Variants in KIF1C observed in about 807,000 individuals in gnomAD.
The protein encoded by KIF1C is kinesin-like protein KIF1C.
Under a neutral mutation model 126.5 loss-of-function variants are expected in KIF1C, and 61 were observed. The ratio of observed to expected loss-of-function variants is 0.48; its 90% CI spans 0.39 to 0.60. KIF1C has a LOEUF of 0.60. Among genes scored for constraint, KIF1C ranks in the 20% least tolerant of loss-of-function variants. KIF1C has a pLI of 0.00. For synonymous variants in KIF1C, 640 were observed against 580.6 expected, an observed-to-expected ratio of 1.10 and a Z score of -1.47; for missense variants, 1,315 against 1,489.2, an observed-to-expected ratio of 0.88 and a Z score of 1.93.
In KIF1C at chr17:5,007,550, A is replaced by C; in HGVS notation, c.1491+8A>C. 6.5e-7 allele frequency: 1 copy of C among 1,541,854 alleles called. No homozygotes were observed. Among genetic ancestry groups the C allele is most frequent in the Non-Finnish European group, 8.7e-7 (1 of 1,145,880 alleles). On this transcript the variant is annotated splice_region_variant and intron_variant, in intron 16 of 22. Coordinates refer to ENST00000320785, the MANE Select transcript of KIF1C (RefSeq NM_006612.6). ...GTCTTCTCTCCAAAGAAGGTGAGTG[A>C]GGAATCGAGCGAGGAGGCCTAGAGA... is the stretch of plus-strand genomic sequence containing the variant.
chr17:5,013,965 G>A (rs1047813632), intron 17 of KIF1C, among the ~76,000 whole-genome samples: 5 of 151,906 alleles, frequency 3.3e-5, no homozygotes, highest in Non-Finnish European at 7.4e-5. Flanking sequence ...CTTGTTTACT[G>A]GGGCAGGAGA....
At chr17:5,001,114 G>T in intron 4 of KIF1C, 108 bp from the exon 5 acceptor site, 1 of 1,198,874 alleles carries the variant, frequency 8.3e-7, no homozygotes, top group East Asian at 2.3e-5. Flanking sequence ...GGGCACACAG[G>T]ACATTTGGGG....
rs190329136 is a variant in KIF1C, at chr17:5,014,849, G to A, written c.1666+12G>A. 2.5e-6 allele frequency: 4 copies of A among 1,569,284 alleles called. No individual in the cohort carries two copies. In the African/African-American group the frequency reaches 4.0e-5, roughly 16 times the overall value. ...GCCAGATGGAGAAGGTAATGGCTGA[G>A]GGGGTGAGAGAGGCCAGACAGGGAG... On this transcript the variant is annotated intron_variant, in intron 18 of 22. Transcript: ENST00000320785.
intron 4 of KIF1C, 97 bp from the exon 5 acceptor site, chr17:5,001,125 A>T: frequency 7.7e-7 from 1 of 1,294,054 alleles, no homozygotes; most frequent in Non-Finnish European, 1.1e-6. Context: ...ACATTTGGGG[A>T]ATCGTCAGTG....
At position 5,022,736 on chromosome 17, in the gene KIF1C, TCTC is replaced by T. The variant is rs771422063; in HGVS notation, c.2628+32_2628+34del. The T allele has an allele frequency of 5.4e-6, 8 of 1,494,246 alleles. No homozygotes were observed. Among genetic ancestry groups the T allele is most frequent in the Non-Finnish European group, 7.1e-6 (8 of 1,126,982 alleles). 92.6% of individuals were successfully genotyped at this position (1,494,246 alleles called of 1,614,324 possible). On this transcript the variant is annotated intron_variant, in intron 22 of 22. Coordinates refer to ENST00000320785, the MANE Select transcript of KIF1C (RefSeq NM_006612.6). This position sits in a 1 kb window ranked among gnomAD's most constrained non-coding sequence, Gnocchi z 4.9. ...TAGGACTGGCCTTCTGCCTCCCTTC[TCTC>T]CTCCCTCGGCTCTTCACTTTAGGAG...
chr17:5,007,265 G>T lies in KIF1C; in HGVS notation c.1338G>T (p.Glu446Asp). 6.2e-7 allele frequency: 1 copy of T among 1,607,526 alleles called. No individual in the cohort carries two copies. Among genetic ancestry groups the T allele is most frequent in the Non-Finnish European group, 8.5e-7 (1 of 1,176,882 alleles). Residue 446 changes from glutamate (E) to aspartate (D), a missense_variant and splice_region_variant, in exon 15 of 23, where the codon GAG (glutamate) becomes GAT (aspartate). Glu to Asp is a conservative substitution (Grantham distance 45, BLOSUM62 2). Coordinates refer to ENST00000320785, the MANE Select transcript of KIF1C (RefSeq NM_006612.6). ...ACCTACCCACCTTACGCCCCCAGGAGACAGAGAAGATTATAGCTGAGCTGA... is the reference window on the plus strand; with the variant it reads ...ACCTACCCACCTTACGCCCCCAGGATACAGAGAAGATTATAGCTGAGCTGA... ...GPEEAMERLQETEKIIAELNE... is the reference protein window; with the variant it reads ...GPEEAMERLQDTEKIIAELNE...
At chr17:5,000,985 G>GT in intron 4 of KIF1C, 137 bp downstream of exon 4, 1 of 993,074 alleles carries the variant, frequency 1.0e-6, no homozygotes, top group Non-Finnish European at 1.6e-6. Context: ...GGTGGGGGTG[G>GT]TAGGACCCTT....
chr17:5,014,046 C>T (rs986332636), intron 17 of KIF1C: 25 of 337,630 alleles, frequency 7.4e-5, no homozygotes, highest in South Asian at 5.2e-4. Flanking sequence ...GTGGGGCCTT[C>T]CCTGGGGGCG....
intron 11 of KIF1C, 85 bp from the exon 12 acceptor site, chr17:5,004,482 G>T: frequency 8.0e-7 from 1 of 1,247,898 alleles, no homozygotes; most frequent in Non-Finnish European, 1.2e-6. Context: ...CCTCTGCCTG[G>T]GCAGTGGGCC....
In KIF1C at chr17:5,001,392, C is replaced by G; in HGVS notation, c.354C>G (p.Ile118Met). Reference sequence around the variant, plus strand: ...GACAGGAGCCAGGGCAGCAGGGCATCGTGCCCCAGGTACGCCTAGGACCTG... The same window carrying G: ...GACAGGAGCCAGGGCAGCAGGGCATGGTGCCCCAGGTACGCCTAGGACCTG... ...MGRQEPGQQG[I>M]VPQLCEDLFS... Residue 118 changes from isoleucine to methionine, a missense_variant, in exon 5 of 23, where the codon ATC (isoleucine) becomes ATG (methionine). By Grantham distance (10) the Ile-to-Met change is conservative. Transcript: ENST00000320785. 6.2e-7 allele frequency: 1 copy of G among 1,613,900 alleles called. No individual in the cohort carries two copies. The highest frequency in any genetic ancestry group is 8.5e-7 in the Non-Finnish European group (1 of 1,179,900).
rs777934473 is a variant in KIF1C, at chr17:5,007,356, CAGTT to C, written c.1415+15_1415+18del. 1.1e-5 allele frequency: 18 copies of C among 1,613,114 alleles called. No individual in the cohort carries two copies. The East Asian group carries it at 3.3e-4, about 30-fold the overall frequency. On this transcript the variant is annotated intron_variant, in intron 15 of 22. Coordinates refer to ENST00000320785, the MANE Select transcript of KIF1C (RefSeq NM_006612.6). ...GAGGATGGAGAGGTGTGAGGGCCGACAGTTGGGGTCCTGGGTGGAGTTGGAGGCC... is the reference window on the plus strand; with the variant it reads ...GAGGATGGAGAGGTGTGAGGGCCGACGGGGTCCTGGGTGGAGTTGGAGGCC...
chr17:5,021,150 T>C (rs554419026), intron 21 of KIF1C, among the ~76,000 whole-genome samples: 1 of 150,390 alleles, frequency 6.6e-6, no homozygotes, highest in South Asian at 2.1e-4. Flanking sequence ...CCACCTGTGT[T>C]GGTATTAAGA....
At chr17:5,012,275 T>G (rs1974882970) in intron 16 of KIF1C, among the ~76,000 whole-genome samples, 1 of 152,078 alleles carries the variant, frequency 6.6e-6, no homozygotes, top group East Asian at 1.9e-4. Context: ...GGGTCTTGTG[T>G]TCTGATGGAA....
Position 5,022,136 on chromosome 17 carries a change from TGAAGA to T in KIF1C, c.2058_2062del (p.Glu687LeufsTer58). The T allele has an allele frequency of 1.2e-6, 2 of 1,612,688 alleles. No homozygotes were observed. Among genetic ancestry groups the T allele is most frequent in the Non-Finnish European group, 1.7e-6 (2 of 1,178,974 alleles). On this transcript the variant is annotated frameshift_variant, in exon 22 of 23. Coordinates refer to ENST00000320785, the MANE Select transcript of KIF1C (RefSeq NM_006612.6). LOFTEE classifies it high-confidence loss of function. The surrounding 1 kb of genome is among the most constrained non-coding windows in gnomAD (Gnocchi z 4.9). Reference sequence around the variant, plus strand: ...GGGATGACTCTGACAAGCGCTCTTGTGAAGAGAGCTGGAGGCTCATCTCCTCCTTG... The same window carrying T: ...GGGATGACTCTGACAAGCGCTCTTGTGAGCTGGAGGCTCATCTCCTCCTTG...
At chr17:5,007,141 C>A in intron 14 of KIF1C, 57 bp downstream of exon 14, 1 of 1,577,942 alleles carries the variant, frequency 6.3e-7, no homozygotes, top group Non-Finnish European at 8.6e-7. Context: ...GAGTTTACTT[C>A]TCCAAAGTCA....
At position 5,020,652 on chromosome 17, in the gene KIF1C, C is replaced by T. The variant is rs747496894; in HGVS notation, c.1911C>T (p.Ile637=). The T allele has an allele frequency of 3.1e-6, 5 of 1,613,870 alleles. No homozygotes were observed. Among genetic ancestry groups the T allele is most frequent in the South Asian group, 1.1e-5 (1 of 91,080 alleles). Residue 637 remains isoleucine (I), a synonymous_variant, in exon 20 of 23, where the codon ATC becomes ATT. Transcript: ENST00000320785. The surrounding 1 kb of genome is among the most constrained non-coding windows in gnomAD (Gnocchi z 5.8). ...AGGAACTGCTGGAGCAGCAAGGCAT[C>T]GACATAAAGCTGGAAATGGAGAAGA... ...AQKELLEQQG[I]DIKLEMEKRL...
chr17:5,013,517 A>G (rs1974909733), intron 16 of KIF1C, 136 bp from the exon 17 acceptor site: 2 of 665,984 alleles, frequency 3.0e-6, no homozygotes, highest in African/African-American at 1.8e-5. Flanking sequence ...TACAGAGGGC[A>G]GGAGAGCTCT....
Position 5,024,772 on chromosome 17 carries a change from A to G in KIF1C, c.*621A>G, listed in dbSNP as rs949785117. ...ATATAAGGCAATGGCACAGGTCTTAAGCATACTTATCAGTGAAGTATTGTA... is the reference window on the plus strand; with the variant it reads ...ATATAAGGCAATGGCACAGGTCTTAGGCATACTTATCAGTGAAGTATTGTA... On this transcript the variant is annotated 3_prime_UTR_variant, in exon 23 of 23. Transcript: ENST00000320785. 1.3e-5 allele frequency: 2 copies of G among 152,846 alleles called. No homozygotes were observed. Among genetic ancestry groups the G allele is most frequent in the African/African-American group, 4.8e-5 (2 of 41,448 alleles). 9.5% of individuals were successfully genotyped at this position (152,846 alleles called of 1,614,324 possible). A position where few individuals can be genotyped will look rare whatever the true frequency, so the allele number is the denominator to read the frequency against.
chr17:5,015,809 T>A (rs1309142674), intron 18 of KIF1C, among the ~76,000 whole-genome samples: 1 of 151,784 alleles, frequency 6.6e-6, no homozygotes, highest in African/African-American at 2.4e-5. Context: ...TTGGTCAGAC[T>A]GGTCTTGAAC....
Sources: gnomAD v4.1 joint callset for allele counts (sites outside exome capture counted in the v4.1 genomes callset) on GRCh38, gnomAD v4.1.1 for gene constraint, Gnocchi (gnomAD v3.1) non-coding constraint, MANE v1.5 for transcripts, NCBI Gene and HGNC (gene_info 2026-07-23, HGNC 2026-07-21) for gene names.